Variants in RPS24 observed in about 807,000 individuals in gnomAD.
RPS24 encodes ribosomal protein S24.
For synonymous variants in RPS24, 72 were observed against 55.6 expected, an observed-to-expected ratio of 1.30 and a Z score of -1.31; for missense variants, 100 against 162.5, an observed-to-expected ratio of 0.62 and a Z score of 2.09.
chr10:78,034,742 C>G (rs1847823504), intron 1 of RPS24, among the ~76,000 whole-genome samples: 2 of 152,230 alleles, frequency 1.3e-5, no homozygotes, highest in South Asian at 4.1e-4. Context: ...CTGATCTCTG[C>G]TATGGCCATT....
chr10:78,043,115 TGCCTCAGCCTCCC>T (rs1848004427), downstream of RPS24, among the ~76,000 whole-genome samples: 1 of 152,210 alleles, frequency 6.6e-6, no homozygotes, highest in African/African-American at 2.4e-5. Flanking sequence ...GCCATTCTCC[TGCCTCAGCCTCCC>T]AAGTAGCTGG....
chr10:78,036,184 A>G, intron 3 of RPS24: 1 of 204,020 alleles, frequency 4.9e-6, no homozygotes, highest in Non-Finnish European at 1.0e-5. Context: ...ACAAGTAAGC[A>G]TCATCACCTC....
rs574951162 is a variant in RPS24 at position 78,037,327 on chromosome 10, T to C, written c.390+23T>C. 86 of 1,574,162 alleles carry C rather than the reference T, an allele frequency of 5.5e-5. 1 individual carries two copies. In the East Asian group the frequency reaches 1.1e-3, roughly 20 times the overall value. On this transcript the variant is annotated intron_variant, in intron 4 of 5. Coordinates refer to ENST00000372360, the MANE Select transcript of RPS24 (RefSeq NM_033022.4). ...AAGGTATAGTTCATTAAGGAAAATA[T>C]AGAAACGTCATTAATTGTAGGTCTT...
intron 4 of RPS24, chr10:78,054,508 TTC>T: frequency 6.6e-7 from 1 of 1,514,980 alleles, no homozygotes; most frequent in East Asian, 2.5e-5. Context: ...TCTGAGACTA[TTC>T]TCTCCTTCCC....
At chr10:78,035,295 C>T (rs1175698499) in intron 1 of RPS24, 57 bp from the exon 2 acceptor site, 51 of 1,531,288 alleles carry the variant, frequency 3.3e-5, no homozygotes, top group Non-Finnish European at 4.5e-5. Flanking sequence ...TGGAAAATCA[C>T]AGCAAGGCCA....
At chr10:78,043,511 T>C (rs1345391865), downstream of RPS24, among the ~76,000 whole-genome samples, 2 of 152,224 alleles carry the variant, frequency 1.3e-5, no homozygotes, top group African/African-American at 4.8e-5. Flanking sequence ...ATAAAACTCA[T>C]GACTGCCAGC....
exon 5 of RPS24, chr10:78,054,823 C>T: frequency 6.4e-7 from 1 of 1,551,702 alleles, no homozygotes; most frequent in Middle Eastern, 1.7e-4. Context: ...GCCTCACCTG[C>T]TCCTGCTGGT....
At chr10:78,037,398 T>C (rs1285351337) in intron 4 of RPS24, 94 bp downstream of exon 4, 4 of 1,487,268 alleles carry the variant, frequency 2.7e-6, no homozygotes, top group Non-Finnish European at 3.6e-6. Context: ...AAAATAACTT[T>C]TCTTAATGTT....
chr10:78,046,365 T>TTTTTTTTG (rs58385750), intron 4 of RPS24, among the ~76,000 whole-genome samples: 3 of 148,882 alleles, frequency 2.0e-5, no homozygotes, highest in South Asian at 4.3e-4. Context: ...TTTTTTTTTT[T>TTTTTTTTG]GAGAATGAGT....
intron 3 of RPS24, among the ~76,000 whole-genome samples, chr10:78,036,844 A>C (rs887434671): frequency 9.2e-5 from 14 of 152,158 alleles, no homozygotes; most frequent in African/African-American, 3.4e-4. Context: ...TGGGGAGTTG[A>C]AATGGGAAGA....
chr10:78,036,047 C>T (rs1399177781), intron 3 of RPS24: 2 of 376,818 alleles, frequency 5.3e-6, no homozygotes, highest in Non-Finnish European at 1.0e-5. Context: ...ATTAAGTCTG[C>T]ATCTGGGCTT....
rs1367206361 is a variant in RPS24 at position 78,033,962 on chromosome 10, C to T, written c.3+58C>T. The T allele has an allele frequency of 4.4e-6, 7 of 1,608,266 alleles. No homozygotes were observed. In the East Asian group the frequency reaches 1.3e-4, roughly 31 times the overall value. On this transcript the variant is annotated intron_variant, in intron 1 of 5. Transcript: ENST00000372360. ...CGCGTATCCGAGCCATCCGTGGTCC[C>T]TGGGTCCCAGTACTTGAGCTATAGG...
chr10:78,050,879 A>G (rs1049179317), intron 4 of RPS24, among the ~76,000 whole-genome samples: 2 of 151,914 alleles, frequency 1.3e-5, no homozygotes, highest in African/African-American at 4.8e-5. Context: ...TTCATTTTTG[A>G]TCATTTTTAT....
chr10:78,053,811 G>A (rs1175468440), intron 4 of RPS24, among the ~76,000 whole-genome samples: 2 of 152,180 alleles, frequency 1.3e-5, no homozygotes, highest in Non-Finnish European at 2.9e-5. Context: ...AAGTCTCCAG[G>A]TGGACTCTTT....
At chr10:78,046,435 T>G (rs1457452215) in intron 4 of RPS24, among the ~76,000 whole-genome samples, 2 of 146,112 alleles carry the variant, frequency 1.4e-5, no homozygotes, top group Non-Finnish European at 3.0e-5. Flanking sequence ...CTCAGCTCAC[T>G]GCAACCTCCA....
rs770433628 is a variant in RPS24, at chr10:78,035,493, C to T, written c.70-18C>T. The stretch of plus-strand genomic sequence containing the variant: ...GTATTTTATCATACTGAATGCTAAA[C>T]TTGATATCTCCTTTTAGGTCATTGA... On this transcript the variant is annotated intron_variant, in intron 2 of 5. Coordinates refer to ENST00000372360, the MANE Select transcript of RPS24 (RefSeq NM_033022.4). 4.3e-6 allele frequency: 7 copies of T among 1,613,192 alleles called. No homozygotes were observed. The highest frequency in any genetic ancestry group is 5.9e-6 in the Non-Finnish European group (7 of 1,179,264).
At chr10:78,054,650 G>A (rs1335676607) in exon 5 of RPS24, 1 of 1,551,714 alleles carries the variant, frequency 6.4e-7, no homozygotes, top group Admixed American at 2.0e-5. Flanking sequence ...AGGTAGAAGT[G>A]CCAGGACCGT....
intron 4 of RPS24, chr10:78,038,159 C>A (rs1315015640): frequency 6.5e-6 from 2 of 306,696 alleles, no homozygotes; most frequent in East Asian, 8.6e-5. Context: ...TACTTTTGCA[C>A]CAACCTAATA....
At chr10:78,053,340 T>TG (rs1306915964) in intron 4 of RPS24, among the ~76,000 whole-genome samples, 1 of 152,008 alleles carries the variant, frequency 6.6e-6, no homozygotes, top group African/African-American at 2.4e-5. Flanking sequence ...TTCAGAGTCC[T>TG]GGGGGGGTTT....
Sources: gnomAD v4.1 joint callset for allele counts (sites outside exome capture counted in the v4.1 genomes callset) on GRCh38, gnomAD v4.1.1 for gene constraint, MANE v1.5 for transcripts, NCBI Gene and HGNC (gene_info 2026-07-23, HGNC 2026-07-21) for gene names.